TNRC6B: variants seen among roughly 807,000 people sequenced by gnomAD.
TNRC6B encodes trinucleotide repeat containing adaptor 6B, also known as trinucleotide repeat-containing gene 6B protein.
TNRC6B carries 52 observed loss-of-function variants against 203.6 expected under a neutral mutation model. That is an observed-to-expected ratio of 0.26 (90% CI 0.20 to 0.32). TNRC6B has a LOEUF of 0.32. Ranked by LOEUF, TNRC6B falls within the 10% of genes least tolerant of loss-of-function variation. TNRC6B has a pLI of 1.00. For synonymous variants in TNRC6B, 838 were observed against 845.7 expected (o/e 0.99, Z 0.16); for missense variants, 1,923 against 2,286.2 (o/e 0.84, Z 3.24).
chr22:40,106,833 CT>C, intron 1 of TNRC6B: 1 of 1,143,252 alleles, frequency 8.7e-7, no homozygotes, highest in Non-Finnish European at 1.3e-6. Context: ...AAGTTGCCAG[CT>C]TTTCTTGCCA....
chr22:40,331,975 G>A lies in TNRC6B; in HGVS notation c.*8734G>A. 4.2e-6 allele frequency: 1 copy of A among 235,606 alleles called. No homozygotes were observed. The highest frequency in any genetic ancestry group is 8.2e-6 in the Non-Finnish European group (1 of 122,214). 14.6% of individuals were successfully genotyped at this position (235,606 alleles called of 1,614,324 possible). On this transcript the variant is annotated 3_prime_UTR_variant, in exon 23 of 23. Transcript: ENST00000454349. Reference sequence around the variant, plus strand: ...GGGCCTGCAGTTCCTGTCAACCAATGTGGTTCAGGATTCTTGATCCTAGCC... The same window carrying A: ...GGGCCTGCAGTTCCTGTCAACCAATATGGTTCAGGATTCTTGATCCTAGCC...
At chr22:40,240,508 G>C (rs2070013937) in intron 1 of TNRC6B, among the ~76,000 whole-genome samples, 1 of 152,174 alleles carries the variant, frequency 6.6e-6, no homozygotes, top group South Asian at 2.1e-4. Flanking sequence ...AGGAGTTTGA[G>C]GGGCTTTGTA....
chr22:40,270,189 C>G lies in TNRC6B; in HGVS notation c.2874C>G (p.Ser958Arg). 1 of 1,573,742 alleles carries G rather than the reference C, an allele frequency of 6.4e-7. No individual in the cohort carries two copies. The highest frequency in any genetic ancestry group is 8.6e-7 in the Non-Finnish European group (1 of 1,158,848). Reference protein sequence around the residue: ...GTSAWGEPNESSPGWGEMDDT... With the variant: ...GTSAWGEPNERSPGWGEMDDT... Reference sequence around the variant, plus strand: ...CCGCTTGGGGTGAGCCAAATGAAAGCAGTCCTGGGTGGGGCGAGATGGATG... The same window carrying G: ...CCGCTTGGGGTGAGCCAAATGAAAGGAGTCCTGGGTGGGGCGAGATGGATG... Residue 958 changes from serine (S) to arginine (R), a missense_variant, in exon 6 of 23, where the codon AGC (serine) becomes AGG (arginine). Around this residue, in one of 8 missense-constraint regions of TNRC6B, gnomAD observed 599 missense variants for 656.5 expected, o/e 0.91. Coordinates refer to ENST00000454349, the MANE Select transcript of TNRC6B (RefSeq NM_001162501.2).
chr22:40,130,510 G>A (rs192913365), intron 3 of TNRC6B, among the ~76,000 whole-genome samples: 4 of 152,042 alleles, frequency 2.6e-5, no homozygotes, highest in East Asian at 1.9e-4. Flanking sequence ...GGCCGGGCGC[G>A]GTGGCTCACG....
chr22:40,100,463 C>T (rs1194223085), intron 1 of TNRC6B, among the ~76,000 whole-genome samples: 1 of 152,034 alleles, frequency 6.6e-6, no homozygotes, highest in Non-Finnish European at 1.5e-5. Context: ...ACTGCAGCCT[C>T]GAACTCCTAG....
In TNRC6B at chr22:40,265,646, T is replaced by G; in HGVS notation, c.1416T>G (p.Ser472=). ...AATCAACTGGGTCAAAAAATGACTC[T>G]TGGGACAACAATAACAGGTCTACGG... The part of the protein sequence containing the change: ...VQKSTGSKND[S]WDNNNRSTGG... Residue 472 remains serine (S), a synonymous_variant, in exon 5 of 23, where the codon TCT becomes TCG. Transcript: ENST00000454349. The G allele has an allele frequency of 1.2e-6, 2 of 1,613,850 alleles. No homozygotes were observed. The highest frequency in any genetic ancestry group is 1.7e-6 in the Non-Finnish European group (2 of 1,179,830).
intron 1 of TNRC6B, among the ~76,000 whole-genome samples, chr22:40,107,300 A>G (rs535921710): frequency 1.3e-5 from 2 of 151,832 alleles, no homozygotes; most frequent in East Asian, 1.9e-4. Flanking sequence ...GTGTATGGCA[A>G]TTCTTAGCTA....
intron 1 of TNRC6B, among the ~76,000 whole-genome samples, chr22:40,088,831 G>C (rs2068123918): frequency 6.6e-6 from 1 of 152,112 alleles, no homozygotes; most frequent in African/African-American, 2.4e-5. Flanking sequence ...AAATAGGGTA[G>C]AGGGGACAGG....
intron 5 of TNRC6B, 27 bp from the exon 6 acceptor site, chr22:40,270,095 T>C: frequency 6.4e-7 from 1 of 1,567,056 alleles, no homozygotes; most frequent in East Asian, 2.3e-5. Flanking sequence ...AACAAATGAT[T>C]CTTAGAGACA....
chr22:40,323,428 G>A lies in TNRC6B; in HGVS notation c.*187G>A, dbSNP rs2071364632. 1.6e-6 allele frequency: 1 copy of A among 622,696 alleles called. No individual in the cohort carries two copies. Among genetic ancestry groups the A allele is most frequent in the African/African-American group, 1.9e-5 (1 of 52,638 alleles). The allele number at this position is 622,696 out of a possible 1,614,324, so 38.6% of individuals were successfully genotyped here. A position where few individuals can be genotyped will look rare whatever the true frequency, so the allele number is the denominator to read the frequency against. The stretch of plus-strand genomic sequence containing the variant: ...CATAGTTGCCTCCCTTATAACTTCA[G>A]TTTTTTCGTTTGGAATATGAATCCA... On this transcript the variant is annotated 3_prime_UTR_variant, in exon 23 of 23. Transcript: ENST00000454349.
At chr22:40,177,211 G>C (rs902310766), upstream of TNRC6B, among the ~76,000 whole-genome samples, 3 of 152,138 alleles carry the variant, frequency 2.0e-5, no homozygotes, top group African/African-American at 7.2e-5. Context: ...GGTGGGGGAG[G>C]GGATTAAAGA....
intron 1 of TNRC6B, among the ~76,000 whole-genome samples, chr22:40,075,398 G>T (rs2068004224): frequency 6.6e-6 from 1 of 150,868 alleles, no homozygotes; most frequent in African/African-American, 2.4e-5. Context: ...CCTTATCCCT[G>T]GTAATATTTC....
chr22:40,170,613 C>T (rs1487096939), intron 4 of TNRC6B, among the ~76,000 whole-genome samples: 59 of 83,050 alleles, frequency 7.1e-4, no homozygotes, highest in Admixed American at 1.0e-3. Flanking sequence ...TATATATATC[C>T]TATACATACA....
At chr22:40,118,399 A>G (rs2068411035) in intron 2 of TNRC6B, among the ~76,000 whole-genome samples, 1 of 152,180 alleles carries the variant, frequency 6.6e-6, no homozygotes, top group Non-Finnish European at 1.5e-5. Context: ...ATGGATGAAA[A>G]TATCAGGATT....
At chr22:40,257,292 A>G (rs2070294591) in intron 3 of TNRC6B, among the ~76,000 whole-genome samples, 1 of 152,244 alleles carries the variant, frequency 6.6e-6, no homozygotes, top group Non-Finnish European at 1.5e-5. Flanking sequence ...AAAAAGTAGC[A>G]TCTAATTGGA....
chr22:40,052,326 C>T (rs1449863993), intron 1 of TNRC6B, among the ~76,000 whole-genome samples: 6 of 151,168 alleles, frequency 4.0e-5, no homozygotes, highest in Admixed American at 4.0e-4. Flanking sequence ...TATTTAACAA[C>T]AGATAAAGCA....
At chr22:40,138,668 A>AG (rs915082390) in intron 3 of TNRC6B, among the ~76,000 whole-genome samples, 23 of 152,274 alleles carry the variant, frequency 1.5e-4, no homozygotes, top group African/African-American at 5.3e-4. Context: ...CTCAGTAGAG[A>AG]GAGAGGACAT....
intron 1 of TNRC6B, among the ~76,000 whole-genome samples, chr22:40,110,591 T>C (rs924340642): frequency 1.3e-5 from 2 of 152,196 alleles, no homozygotes; most frequent in African/African-American, 4.8e-5. Flanking sequence ...GGGCATAAAT[T>C]AGTTGAGCAA....
intron 1 of TNRC6B, among the ~76,000 whole-genome samples, chr22:40,114,527 T>C (rs181160197): frequency 1.2e-3 from 176 of 152,288 alleles, no homozygotes; most frequent in African/African-American, 4.1e-3. Flanking sequence ...CTTCCTGTGT[T>C]GCTCAGGCTG....
Sources: allele counts gnomAD v4.1 joint callset (sites outside exome capture counted in the v4.1 genomes callset), GRCh38; gene constraint gnomAD v4.1.1; regional missense constraint gnomAD v4.1.1; transcripts MANE v1.5; gene names NCBI Gene and HGNC (gene_info 2026-07-23, HGNC 2026-07-21).